Variants in COG6 observed in about 807,000 individuals in gnomAD.
COG6 encodes the protein conserved oligomeric Golgi complex subunit 6.
A neutral mutation model predicts 88.8 loss-of-function variants in COG6; 74 were observed. That is an observed-to-expected ratio of 0.83 (90% confidence interval 0.69 to 1.01). COG6 has a LOEUF of 1.01. COG6 is among the 50% of genes least tolerant of loss of function. The probability of loss-of-function intolerance (pLI) is 0.00; values close to 1 mark genes in which losing one functional copy is unlikely to be tolerated. For missense variants in COG6, 800 were observed against 797.9 expected, an observed-to-expected ratio of 1.00 and a Z score of -0.03; for synonymous variants, 286 against 278.7, an observed-to-expected ratio of 1.03 and a Z score of -0.26.
At chr13:39,718,801 A>G (rs1253877878) in intron 13 of COG6, among the ~76,000 whole-genome samples, 1 of 152,044 alleles carries the variant, frequency 6.6e-6, no homozygotes, top group Non-Finnish European at 1.5e-5. Context: ...CCCCTAACCT[A>G]TACATATTGA....
chr13:39,697,946 C>T (rs4318086), intron 12 of COG6, among the ~76,000 whole-genome samples: 151,008 of 152,110 alleles, frequency 0.99, 74,968 homozygotes, highest in East Asian at 1. Flanking sequence ...AGGAGGAGAA[C>T]TGTATAAGAG....
rs1875936564 is a variant in COG6 at position 39,675,891 on chromosome 13, C to T, written c.429-1577C>T. Among the ~76,000 whole-genome samples, 3 of 151,864 alleles carry T rather than the reference C, an allele frequency of 2.0e-5. No individual in the cohort carries two copies. The South Asian group carries it at 6.2e-4, about 32-fold the overall frequency. ...AACTTTTAAAAATATAAAACAAAAC[C>T]TGTTAAGGTAACTCTTTAAGCTTTT... On this transcript the variant is annotated intron_variant, in intron 4 of 18. Transcript: ENST00000455146.
intron 8 of COG6, among the ~76,000 whole-genome samples, chr13:39,684,241 A>G (rs1876490366): frequency 1.8e-5 from 1 of 55,998 alleles, no homozygotes. Context: ...GCAATTTGGA[A>G]GATTTTTTTT....
chr13:39,717,803 G>A (rs960804176), intron 13 of COG6, among the ~76,000 whole-genome samples: 2 of 152,090 alleles, frequency 1.3e-5, no homozygotes, highest in East Asian at 3.9e-4. Flanking sequence ...CATGCAGTGA[G>A]CTGTGATTGC....
intron 13 of COG6, among the ~76,000 whole-genome samples, chr13:39,713,560 C>T (rs1279841564): frequency 5.9e-5 from 9 of 152,104 alleles, no homozygotes; most frequent in Non-Finnish European, 1.2e-4. Flanking sequence ...AAGGTGAAAC[C>T]CCGTCTCTAC....
downstream of COG6, among the ~76,000 whole-genome samples, chr13:39,754,916 G>A (rs2138155447): frequency 6.6e-6 from 1 of 152,264 alleles, no homozygotes; most frequent in Admixed American, 6.5e-5. Flanking sequence ...GGTATAAGAG[G>A]TTGAGAGCAC....
At chr13:39,742,844 A>G (rs567161500) in intron 18 of COG6, among the ~76,000 whole-genome samples, 1 of 152,318 alleles carries the variant, frequency 6.6e-6, no homozygotes, top group East Asian at 1.9e-4. Context: ...AATTGACCAC[A>G]TAGTTCGAAG....
chr13:39,716,537 C>T (rs1376906922), intron 13 of COG6, among the ~76,000 whole-genome samples: 1 of 151,630 alleles, frequency 6.6e-6, no homozygotes, highest in Non-Finnish European at 1.5e-5. Context: ...GCAATTTGCC[C>T]TTTTGTTTTC....
At chr13:39,711,421 A>G (rs1010338445) in intron 13 of COG6, among the ~76,000 whole-genome samples, 4 of 152,192 alleles carry the variant, frequency 2.6e-5, no homozygotes, top group Admixed American at 6.5e-5. Context: ...AATATCACCT[A>G]TGAAAATCAA....
At chr13:39,713,531 C>A (rs999618041) in intron 13 of COG6, among the ~76,000 whole-genome samples, 62 of 152,200 alleles carry the variant, frequency 4.1e-4, no homozygotes, top group African/African-American at 1.4e-3. Flanking sequence ...GTCAAGAGAT[C>A]AAAACCATCC....
At chr13:39,776,181 T>A (rs975828167) in intron 18 of COG6, among the ~76,000 whole-genome samples, 14 of 152,278 alleles carry the variant, frequency 9.2e-5, no homozygotes, top group African/African-American at 2.9e-4. Context: ...GCACTTTCCT[T>A]CCAGTGTTTG....
intron 6 of COG6, 136 bp downstream of exon 6, chr13:39,679,756 G>A: frequency 8.1e-6 from 6 of 740,782 alleles, no homozygotes; most frequent in Non-Finnish European, 1.2e-5. Context: ...AGAGAATGGT[G>A]AAGTTATACT....
At chr13:39,739,490 A>G (rs534995804) in intron 18 of COG6, among the ~76,000 whole-genome samples, 5 of 152,266 alleles carry the variant, frequency 3.3e-5, no homozygotes, top group Admixed American at 2.6e-4. Flanking sequence ...GATAAAAGTC[A>G]TGCTTAAGTA....
intron 18 of COG6, among the ~76,000 whole-genome samples, chr13:39,761,857 A>G (rs1881026935): frequency 6.6e-6 from 1 of 151,968 alleles, no homozygotes; most frequent in Non-Finnish European, 1.5e-5. Flanking sequence ...GCTATTATCA[A>G]AAAGAGAAAA....
At chr13:39,703,474 A>C (rs1333597506) in intron 13 of COG6, among the ~76,000 whole-genome samples, 2 of 152,048 alleles carry the variant, frequency 1.3e-5, no homozygotes, top group Non-Finnish European at 1.5e-5. Flanking sequence ...TATTAACTCC[A>C]TCATATATAT....
At chr13:39,742,884 C>T in intron 18 of COG6, among the ~76,000 whole-genome samples, 1 of 152,134 alleles carries the variant, frequency 6.6e-6, no homozygotes, top group Non-Finnish European at 1.5e-5. Context: ...TATAAAAGAA[C>T]AGAAATCACA....
chr13:39,780,549 A>G (rs952350141), intron 18 of COG6, among the ~76,000 whole-genome samples: 1 of 152,234 alleles, frequency 6.6e-6, no homozygotes, highest in African/African-American at 2.4e-5. Flanking sequence ...AAGAAACCCC[A>G]TGGGTTCTCA....
rs532877636 is a variant in COG6 at position 39,782,110 on chromosome 13, G to T, written c.1827-6225G>T. Among the ~76,000 whole-genome samples the T allele has an allele frequency of 2.0e-5, 3 of 152,178 alleles. No homozygotes were observed. The South Asian group carries it at 6.2e-4, about 31-fold the overall frequency. ...CAAGCAACCACACATATTGGGTAAA[G>T]GGGAAAACATTACCCATTGTGCAGA... is the stretch of plus-strand genomic sequence containing the variant. On this transcript the variant is annotated intron_variant, in intron 18 of 18. Transcript: ENST00000416691.
chr13:39,722,332 A>G (rs981137876), intron 15 of COG6, among the ~76,000 whole-genome samples: 11 of 151,868 alleles, frequency 7.2e-5, no homozygotes, highest in African/African-American at 2.4e-4. Flanking sequence ...AAATGAAAGT[A>G]CTTTATGTCT....
Sources: allele counts gnomAD v4.1 joint callset (sites outside exome capture counted in the v4.1 genomes callset), GRCh38; gene constraint gnomAD v4.1.1; transcripts MANE v1.5; gene names NCBI Gene and HGNC (gene_info 2026-07-23, HGNC 2026-07-21).